FANCB: variants seen among roughly 807,000 people sequenced by gnomAD.
FANCB encodes FA complementation group B.
In FANCB, 5 loss-of-function variants were observed where a neutral mutation model predicts 38.9. That is an observed-to-expected ratio of 0.13 (90% CI 0.07 to 0.27). FANCB has a LOEUF of 0.27. FANCB is among the 10% of genes least tolerant of loss of function. The pLI is 1.00. For synonymous variants in FANCB, 236 were observed against 215.4 expected (o/e 1.10, Z -0.84); for missense variants, 573 against 602.7 (o/e 0.95, Z 0.52).
rs192367619 is a variant in FANCB, at chrX:14,856,185, T to A, written c.1197+1677A>T. On this transcript the variant is annotated intron_variant, in intron 5 of 9. Transcript: ENST00000650831. Reference sequence around the variant, plus strand: ...ATACTCCTAATGATGTATGTTTAGATTTGGACCAATATTGTAGTTTATAAA... The same window carrying A: ...ATACTCCTAATGATGTATGTTTAGAATTGGACCAATATTGTAGTTTATAAA... Among the ~76,000 whole-genome samples, 350 of 112,007 alleles carry A rather than the reference T, an allele frequency of 3.1e-3. 1 individual carries two copies. The highest frequency in any genetic ancestry group is 0.01 in the African/African-American group (316 of 30,936).
the FANCB span, among the ~76,000 whole-genome samples, chrX:14,706,942 T>G: frequency 8.9e-6 from 1 of 112,230 alleles, no homozygotes; most frequent in Non-Finnish European, 1.9e-5. Context: ...AATTCCTGAC[T>G]GCCAGACCTG....
At chrX:14,835,865 G>C (rs761594331), downstream of FANCB, 3 of 111,896 alleles carry the variant, frequency 2.7e-5, no homozygotes, top group African/African-American at 9.8e-5. Flanking sequence ...ATAGTACAGA[G>C]GTTTCTCAAA....
intron 3 of FANCB, among the ~76,000 whole-genome samples, chrX:14,864,153 T>A (rs949691339): frequency 9.2e-6 from 1 of 108,426 alleles, no homozygotes; most frequent in Non-Finnish European, 2.0e-5. Flanking sequence ...TATAAAAAAA[T>A]AAAAATAAAA....
At chrX:14,731,698 TACTCAGATA>T in the FANCB span, 1 of 112,019 alleles carries the variant, frequency 8.9e-6, no homozygotes, top group Non-Finnish European at 1.9e-5. Flanking sequence ...TATTTTTGCT[TACTCAGATA>T]AAAGACAACC....
the FANCB span, among the ~76,000 whole-genome samples, chrX:14,776,440 G>A: frequency 9.0e-6 from 1 of 111,635 alleles, no homozygotes; most frequent in East Asian, 2.8e-4. Context: ...CTTGGAATTT[G>A]TGCCCGAACC....
In FANCB at chrX:14,865,105, C is replaced by T; in HGVS notation, c.406G>A (p.Val136Ile). The T allele has an allele frequency of 8.3e-7, 1 of 1,209,827 alleles. No homozygotes were observed. Among genetic ancestry groups the T allele is most frequent in the Non-Finnish European group, 1.1e-6 (1 of 894,610 alleles). The part of the protein sequence containing the change: ...LGYEMKDGLR[V>I]LNGPLILWRH... The stretch of plus-strand genomic sequence containing the variant: ...CATAAAATTAAAGGGCCATTAAGGA[C>T]CCTTAGGCCATCCTTCATCTCATAG... Residue 136 changes from valine to isoleucine, a missense_variant, in exon 3 of 10, where the codon GTC (valine) becomes ATC (isoleucine). Physicochemically the swap from Val to Ile is conservative, Grantham distance 29 (BLOSUM62 3). Transcript: ENST00000650831.
chrX:14,794,996 C>G, the FANCB span, among the ~76,000 whole-genome samples: 1 of 112,036 alleles, frequency 8.9e-6, no homozygotes, highest in East Asian at 2.8e-4. Context: ...CTTTTTGACT[C>G]TACAGAATAA....
chrX:14,707,478 A>G, the FANCB span, among the ~76,000 whole-genome samples: 1 of 111,158 alleles, frequency 9.0e-6, no homozygotes, highest in South Asian at 3.8e-4. Flanking sequence ...TGACATGAGA[A>G]TATTGCATGA....
chrX:14,768,922 G>A, the FANCB span, among the ~76,000 whole-genome samples: 1 of 111,606 alleles, frequency 9.0e-6, no homozygotes, highest in African/African-American at 3.3e-5. Context: ...ATAGTCATGT[G>A]GTTTTTGGCA....
At position 14,843,967 on chromosome X, in the gene FANCB, A is replaced by T. The variant is rs1229728386; in HGVS notation, c.2180T>A (p.Met727Lys). The T allele has an allele frequency of 8.3e-7, 1 of 1,205,566 alleles. No individual in the cohort carries two copies. Among genetic ancestry groups the T allele is most frequent in the East Asian group, 3.0e-5 (1 of 33,845 alleles). The change falls in exon 10 of 10, where the codon ATG (methionine) becomes AAG (lysine). Residue 727 changes from methionine (M) to lysine (K), a missense_variant. By Grantham distance (95) the Met-to-Lys change is moderately conservative. Transcript: ENST00000650831. ...LIIYSRNQTV[M>K]FQCLHNLIRI... ...GATGAGATTATGAAGGCACTGGAAC[A>T]TAACTGTTTGATTCCTAAAATAAAA...
chrX:14,694,699 C>T, the FANCB span, among the ~76,000 whole-genome samples: 5 of 112,420 alleles, frequency 4.4e-5, no homozygotes, highest in African/African-American at 1.6e-4. Flanking sequence ...AATTTATTTA[C>T]TTCTTACTAT....
At chrX:14,780,239 T>A in the FANCB span, among the ~76,000 whole-genome samples, 1 of 111,086 alleles carries the variant, frequency 9.0e-6, no homozygotes, top group Non-Finnish European at 1.9e-5. Flanking sequence ...AAAAGTGTGG[T>A]CGTTTTTTAT....
At chrX:14,787,364 C>T in the FANCB span, among the ~76,000 whole-genome samples, 1 of 108,063 alleles carries the variant, frequency 9.3e-6, no homozygotes, top group Admixed American at 1.0e-4. Flanking sequence ...TGGTAGTTGC[C>T]AGGGGATGAG....
the FANCB span, among the ~76,000 whole-genome samples, chrX:14,729,642 GA>G: frequency 9.0e-6 from 1 of 111,383 alleles, no homozygotes; most frequent in Non-Finnish European, 1.9e-5. Flanking sequence ...TAAATGAGAT[GA>G]ACTAGAGGGC....
chrX:14,740,233 G>C, the FANCB span, among the ~76,000 whole-genome samples: 1 of 102,645 alleles, frequency 9.7e-6, no homozygotes, highest in Non-Finnish European at 2.0e-5. Context: ...GAAGGGAGAA[G>C]AGATAAAAGG....
Position 14,843,961 on chromosome X carries a change from T to C in FANCB, c.2186A>G (p.Gln729Arg). 2 of 1,205,154 alleles carry C rather than the reference T, an allele frequency of 1.7e-6. No individual in the cohort carries two copies. Among genetic ancestry groups the C allele is most frequent in the Non-Finnish European group, 2.2e-6 (2 of 890,438 alleles). Residue 729 changes from glutamine to arginine, a missense_variant, in exon 10 of 10, where the codon CAG (glutamine) becomes CGG (arginine). Coordinates refer to ENST00000650831, the MANE Select transcript of FANCB (RefSeq NM_001018113.3). ...AATTCTGATGAGATTATGAAGGCACTGGAACATAACTGTTTGATTCCTAAA... is the reference window on the plus strand; with the variant it reads ...AATTCTGATGAGATTATGAAGGCACCGGAACATAACTGTTTGATTCCTAAA... ...IYSRNQTVMFQCLHNLIRILP... is the reference protein window; with the variant it reads ...IYSRNQTVMFRCLHNLIRILP...
chrX:14,766,255 A>G, the FANCB span, among the ~76,000 whole-genome samples: 1 of 112,499 alleles, frequency 8.9e-6, no homozygotes, highest in African/African-American at 3.2e-5. Flanking sequence ...GATCTAGTCT[A>G]TGGCTCTTTG....
intron 3 of FANCB, among the ~76,000 whole-genome samples, chrX:14,861,490 A>C (rs776924306): frequency 1.1e-4 from 12 of 111,349 alleles, no homozygotes; most frequent in Non-Finnish European, 1.7e-4. Flanking sequence ...AGATGGATGG[A>C]TGGATCCATA....
At chrX:14,711,318 C>G in the FANCB span, among the ~76,000 whole-genome samples, 2 of 112,087 alleles carry the variant, frequency 1.8e-5, no homozygotes, top group Non-Finnish European at 3.8e-5. Flanking sequence ...ATCCAGTGAC[C>G]CAGGGACAAC....
Sources: allele counts gnomAD v4.1 joint callset (sites outside exome capture counted in the v4.1 genomes callset), GRCh38; gene constraint gnomAD v4.1.1; transcripts MANE v1.5; gene names NCBI Gene and HGNC (gene_info 2026-07-23, HGNC 2026-07-21).